AMPH: variants seen among roughly 807,000 people sequenced by gnomAD.
AMPH encodes amphiphysin.
Under a neutral mutation model 99.1 loss-of-function variants are expected in AMPH, and 49 were observed. The observed-to-expected ratio is 0.49, with a 90% confidence interval of 0.39 to 0.63. The LOEUF is 0.63. Among genes scored for constraint, AMPH ranks in the 20% least tolerant of loss-of-function variants. The pLI is 0.00. For missense variants in AMPH, 759 were observed against 863.4 expected (o/e 0.88, Z 1.52); for synonymous variants, 314 against 317.3 (o/e 0.99, Z 0.11).
At chr7:38,620,364 C>G (rs200881191) in intron 1 of AMPH, among the ~76,000 whole-genome samples, 121 of 114,106 alleles carry the variant, frequency 1.1e-3, no homozygotes, top group African/African-American at 2.9e-3. Context: ...GTGTGTGTGT[C>G]TGTGTGTGTG....
chr7:38,588,400 T>C (rs534845557), intron 1 of AMPH, among the ~76,000 whole-genome samples: 77 of 152,288 alleles, frequency 5.1e-4, no homozygotes, highest in East Asian at 2.3e-3. Flanking sequence ...TCTTCTCCAT[T>C]AAATCTTGGT....
chr7:38,426,873 T>A lies in AMPH; in HGVS notation c.1215+81A>T, dbSNP rs1377096509. 20 of 1,288,586 alleles carry A rather than the reference T, an allele frequency of 1.6e-5. No individual in the cohort carries two copies. The Admixed American group carries it at 3.5e-4, about 22-fold the overall frequency. The allele number at this position is 1,288,586 out of a possible 1,614,324, so 79.8% of individuals were successfully genotyped here. On this transcript the variant is annotated intron_variant, in intron 15 of 20. Coordinates refer to ENST00000356264, the MANE Select transcript of AMPH (RefSeq NM_001635.4). ...ATTCTTAATCATTACGCTATACTAG[T>A]GGCACAGAGAACCAAACCACATTGA... is the stretch of plus-strand genomic sequence containing the variant.
intron 1 of AMPH, among the ~76,000 whole-genome samples, chr7:38,543,445 T>C (rs1790885188): frequency 6.6e-6 from 1 of 152,186 alleles, no homozygotes; most frequent in African/African-American, 2.4e-5. Context: ...ATAGAATATG[T>C]TCTTGCTTTT....
intron 5 of AMPH, among the ~76,000 whole-genome samples, chr7:38,486,603 A>G (rs1257738842): frequency 2.6e-5 from 4 of 152,060 alleles, no homozygotes; most frequent in Non-Finnish European, 5.9e-5. Flanking sequence ...CCTGATATCA[A>G]AGTCAGACAA....
chr7:38,465,368 G>A (rs1787611460), intron 9 of AMPH, 99 bp downstream of exon 9: 3 of 1,024,558 alleles, frequency 2.9e-6, no homozygotes, highest in African/African-American at 1.6e-5. Flanking sequence ...GCTCCTGTGG[G>A]ACTTTTGTAG....
intron 11 of AMPH, among the ~76,000 whole-genome samples, chr7:38,445,006 T>TACAC (rs1458527907): frequency 1.6e-5 from 2 of 127,824 alleles, no homozygotes; most frequent in African/African-American, 2.9e-5. Flanking sequence ...TATATATATA[T>TACAC]ATATACACAC....
At chr7:38,441,798 TCA>T (rs1491553873) in intron 11 of AMPH, among the ~76,000 whole-genome samples, 22 of 77,882 alleles carry the variant, frequency 2.8e-4, no homozygotes, top group Admixed American at 5.8e-4. Context: ...GTCATATATA[TCA>T]TATATATATC....
rs574566089 is a variant in AMPH, at chr7:38,548,195, A to C, written c.70-13184T>G. ...AGGTGCCCACCACCACACCCGGCTA[A>C]TTTTTTTGTATTTTTAGTAGAGATG... On this transcript the variant is annotated intron_variant, in intron 1 of 20. Coordinates refer to ENST00000356264, the MANE Select transcript of AMPH (RefSeq NM_001635.4). Among the ~76,000 whole-genome samples, 6 of 151,582 alleles carry C rather than the reference A, an allele frequency of 4.0e-5. No homozygotes were observed. In the South Asian group the frequency reaches 8.4e-4, roughly 21 times the overall value.
chr7:38,504,564 C>T (rs551312015), intron 2 of AMPH, among the ~76,000 whole-genome samples: 6 of 152,280 alleles, frequency 3.9e-5, no homozygotes, highest in Non-Finnish European at 5.9e-5. Context: ...CAGTTCCACT[C>T]GGGAACTCTG....
chr7:38,410,332 C>T (rs903580225), intron 17 of AMPH, among the ~76,000 whole-genome samples: 66 of 152,174 alleles, frequency 4.3e-4, no homozygotes, highest in Admixed American at 2.1e-3. Flanking sequence ...CTGTCAAGCA[C>T]GACATATATC....
chr7:38,505,560 C>T (rs1162552236), intron 2 of AMPH, among the ~76,000 whole-genome samples: 1 of 152,090 alleles, frequency 6.6e-6, no homozygotes. Flanking sequence ...TTGAAACATG[C>T]AGAAAGTTTG....
chr7:38,548,465 T>A (rs1791068116), intron 1 of AMPH, among the ~76,000 whole-genome samples: 2 of 152,180 alleles, frequency 1.3e-5, no homozygotes. Context: ...TTAGTGATTT[T>A]GGGGTCCCAA....
intron 11 of AMPH, among the ~76,000 whole-genome samples, chr7:38,456,498 A>G (rs1318835605): frequency 6.6e-6 from 1 of 152,178 alleles, no homozygotes; most frequent in African/African-American, 2.4e-5. Context: ...CACTGTTGGC[A>G]CCTGAATATT....
intron 11 of AMPH, 67 bp downstream of exon 11, chr7:38,461,216 C>T: frequency 6.3e-7 from 1 of 1,589,056 alleles, no homozygotes; most frequent in East Asian, 2.2e-5. Flanking sequence ...TTCTTTAGGG[C>T]TAGCCCCTGA....
At chr7:38,454,336 T>C (rs1278124921) in intron 11 of AMPH, among the ~76,000 whole-genome samples, 1 of 152,216 alleles carries the variant, frequency 6.6e-6, no homozygotes, top group African/African-American at 2.4e-5. Context: ...ACGCATAGTG[T>C]AGTGATTGAT....
chr7:38,388,363 TTGAG>T (rs1446857213), intron 20 of AMPH, among the ~76,000 whole-genome samples: 4 of 152,146 alleles, frequency 2.6e-5, no homozygotes, highest in African/African-American at 9.6e-5. Flanking sequence ...CTTTTCTTTC[TTGAG>T]TATTTCTAAG....
intron 12 of AMPH, among the ~76,000 whole-genome samples, chr7:38,432,878 C>T (rs1370882136): frequency 6.6e-6 from 1 of 152,198 alleles, no homozygotes; most frequent in African/African-American, 2.4e-5. Flanking sequence ...ATGAATTACA[C>T]TTACTACTGG....
At chr7:38,397,770 A>C (rs1784713107) in intron 17 of AMPH, among the ~76,000 whole-genome samples, 2 of 152,230 alleles carry the variant, frequency 1.3e-5, no homozygotes, top group African/African-American at 4.8e-5. Flanking sequence ...ACAAGGGATT[A>C]ATAACCAGAA....
At chr7:38,568,810 G>A (rs1455937813) in intron 1 of AMPH, among the ~76,000 whole-genome samples, 1 of 152,200 alleles carries the variant, frequency 6.6e-6, no homozygotes, top group Non-Finnish European at 1.5e-5. Context: ...ATGTGTGCAG[G>A]AGGGACCAAT....
Sources: gnomAD v4.1 joint callset for allele counts (sites outside exome capture counted in the v4.1 genomes callset) on GRCh38, gnomAD v4.1.1 for gene constraint, MANE v1.5 for transcripts, NCBI Gene and HGNC (gene_info 2026-07-23, HGNC 2026-07-21) for gene names.